CNTNAP4: variants seen among roughly 807,000 people sequenced by gnomAD.
The protein encoded by CNTNAP4 is contactin associated protein family member 4.
A neutral mutation model predicts 148.4 loss-of-function variants in CNTNAP4; 98 were observed. The observed-to-expected ratio is 0.66, with a 90% confidence interval of 0.56 to 0.78. The LOEUF (loss-of-function observed/expected upper bound fraction) is 0.78, where lower values mean the gene tolerates loss of function less well. Ranked by LOEUF, CNTNAP4 falls within the 30% of genes least tolerant of loss-of-function variation. The probability of loss-of-function intolerance (pLI) is 0.00; values close to 1 mark genes in which losing one functional copy is unlikely to be tolerated. For missense variants in CNTNAP4, 1,935 were observed against 1,565.6 expected (o/e 1.24, Z -3.98); for synonymous variants, 730 against 565.1 (o/e 1.29, Z -4.14).
intron 11 of CNTNAP4, among the ~76,000 whole-genome samples, chr16:76,478,896 A>C (rs1371782432): frequency 1.3e-5 from 2 of 152,140 alleles, no homozygotes; most frequent in Non-Finnish European, 2.9e-5. Context: ...TGTTTTATGA[A>C]AAAAATATTT....
At chr16:76,368,933 A>G (rs12716808) in intron 3 of CNTNAP4, among the ~76,000 whole-genome samples, 70,674 of 152,008 alleles carry the variant, frequency 0.46, 16,686 homozygotes, top group Admixed American at 0.54. Flanking sequence ...ATTAGACAGA[A>G]CAGTTATGGA....
intron 1 of CNTNAP4, among the ~76,000 whole-genome samples, chr16:76,304,266 G>A (rs1960260817): frequency 6.6e-6 from 1 of 152,128 alleles, no homozygotes; most frequent in Non-Finnish European, 1.5e-5. Flanking sequence ...GGCTTCAAGA[G>A]CTACACTTGT....
intron 1 of CNTNAP4, among the ~76,000 whole-genome samples, chr16:76,287,946 A>G (rs1958954964): frequency 1.3e-5 from 2 of 152,104 alleles, no homozygotes; most frequent in South Asian, 2.1e-4. Context: ...TGGCAAACAA[A>G]TGTCTTCCTA....
chr16:76,437,156 G>A (rs1390435474), intron 4 of CNTNAP4, among the ~76,000 whole-genome samples: 4 of 151,924 alleles, frequency 2.6e-5, no homozygotes, highest in African/African-American at 4.8e-5. Flanking sequence ...AGATGTAGGC[G>A]GGGAGGCTAA....
chr16:76,427,658 C>T (rs1490210277), intron 4 of CNTNAP4, 59 bp downstream of exon 4: 3 of 1,422,438 alleles, frequency 2.1e-6, no homozygotes, highest in Admixed American at 5.1e-5. Context: ...TTTTAAAAGC[C>T]AAACTACAAA....
chr16:76,533,176 GTCAC>G (rs1455723408), intron 17 of CNTNAP4, among the ~76,000 whole-genome samples: 5 of 152,088 alleles, frequency 3.3e-5, no homozygotes, highest in South Asian at 4.1e-4. Context: ...ATAAAATCCT[GTCAC>G]TCACAGCAAC....
At chr16:76,279,135 T>C (rs564871759) in intron 1 of CNTNAP4, among the ~76,000 whole-genome samples, 1 of 152,182 alleles carries the variant, frequency 6.6e-6, no homozygotes, top group South Asian at 2.1e-4. Flanking sequence ...CACACACAAA[T>C]GGAAGTTCTG....
rs2085368476 is a variant in CNTNAP4 at position 76,560,400 on chromosome 16, C to G, written c.*1717C>G. 6.6e-6 allele frequency among the ~76,000 whole-genome samples: 1 copy of G among 152,132 alleles called. No individual in the cohort carries two copies. The highest frequency in any genetic ancestry group is 6.5e-5 in the Admixed American group (1 of 15,272). The stretch of plus-strand genomic sequence containing the variant: ...AATTAACATAGTAGTTTACGAAGGA[C>G]TAAGGACCTATGTTGGTAGATGGTA... On this transcript the variant is annotated 3_prime_UTR_variant, in exon 24 of 24. Transcript: ENST00000611870.
rs190867249 is a variant in CNTNAP4, at chr16:76,432,292, C to T, written c.538+4693C>T. Among the ~76,000 whole-genome samples, 543 of 152,154 alleles carry T rather than the reference C, an allele frequency of 3.6e-3. 2 individuals carry two copies. The highest frequency in any genetic ancestry group is 0.024 in the Middle Eastern group (7 of 294). ...ATTGTGAAAACCACACATAAATTGCCGTTTACCCCAACAAGTTAGGGCAGT... is the reference window on the plus strand; with the variant it reads ...ATTGTGAAAACCACACATAAATTGCTGTTTACCCCAACAAGTTAGGGCAGT... On this transcript the variant is annotated intron_variant, in intron 4 of 23. Transcript: ENST00000611870.
chr16:76,499,453 AT>A (rs2082537169), intron 15 of CNTNAP4, among the ~76,000 whole-genome samples: 1 of 151,968 alleles, frequency 6.6e-6, no homozygotes, highest in African/African-American at 2.4e-5. Flanking sequence ...TGGCTACTAG[AT>A]TTGGTAATTC....
At chr16:76,510,335 C>T (rs1434882845) in intron 15 of CNTNAP4, among the ~76,000 whole-genome samples, 2 of 152,110 alleles carry the variant, frequency 1.3e-5, no homozygotes, top group Admixed American at 6.6e-5. Flanking sequence ...ACGCTTCATT[C>T]TTTTTTATGA....
At chr16:76,473,543 G>A (rs753404179) in intron 10 of CNTNAP4, among the ~76,000 whole-genome samples, 156 of 152,228 alleles carry the variant, frequency 1.0e-3, no homozygotes, top group Non-Finnish European at 1.7e-3. Flanking sequence ...GGAGGCCGAG[G>A]CGGGCAGATC....
Position 76,542,469 on chromosome 16 carries a change from C to G in CNTNAP4, c.3442+1679C>G, listed in dbSNP as rs144877318. 2.5e-3 allele frequency among the ~76,000 whole-genome samples: 375 copies of G among 152,158 alleles called. 1 individual carries two copies. The highest frequency in any genetic ancestry group is 8.1e-3 in the African/African-American group (337 of 41,520). On this transcript the variant is annotated intron_variant, in intron 21 of 23. Transcript: ENST00000611870. ...AAACAAGCAGCAACAAAAACAAAGCCTCAACTGTTTTAACTGTGGGACCCA... is the reference window on the plus strand; with the variant it reads ...AAACAAGCAGCAACAAAAACAAAGCGTCAACTGTTTTAACTGTGGGACCCA...
chr16:76,515,002 T>G (rs900664046), intron 15 of CNTNAP4, among the ~76,000 whole-genome samples: 1 of 152,196 alleles, frequency 6.6e-6, no homozygotes. Context: ...CATATAAAAT[T>G]TCCTGTAGGG....
intron 2 of CNTNAP4, among the ~76,000 whole-genome samples, chr16:76,323,849 G>C (rs1355567309): frequency 6.6e-6 from 1 of 152,086 alleles, no homozygotes; most frequent in East Asian, 1.9e-4. Flanking sequence ...CCTAAGTAAT[G>C]TGTAGTTCTG....
At chr16:76,429,474 A>G (rs1226658398) in intron 4 of CNTNAP4, among the ~76,000 whole-genome samples, 1 of 152,164 alleles carries the variant, frequency 6.6e-6, no homozygotes, top group Non-Finnish European at 1.5e-5. Context: ...AAAACCACCC[A>G]TTTATTAGAG....
intron 3 of CNTNAP4, among the ~76,000 whole-genome samples, chr16:76,413,432 G>T (rs1184416952): frequency 4.0e-5 from 6 of 151,202 alleles, no homozygotes; most frequent in East Asian, 1.9e-4. Context: ...GGCAAACATT[G>T]TTAATAATCC....
At chr16:76,320,821 G>C (rs565201278) in intron 2 of CNTNAP4, among the ~76,000 whole-genome samples, 1 of 152,104 alleles carries the variant, frequency 6.6e-6, no homozygotes, top group Non-Finnish European at 1.5e-5. Context: ...GACAACCTTG[G>C]AAATGAGTGA....
intron 2 of CNTNAP4, among the ~76,000 whole-genome samples, chr16:76,325,188 A>G (rs1567709559): frequency 6.6e-6 from 1 of 152,216 alleles, no homozygotes; most frequent in Non-Finnish European, 1.5e-5. Flanking sequence ...AAAATTGTTA[A>G]TGTATATCAT....
Sources: allele counts gnomAD v4.1 joint callset (sites outside exome capture counted in the v4.1 genomes callset), GRCh38; gene constraint gnomAD v4.1.1; transcripts MANE v1.5; gene names NCBI Gene and HGNC (gene_info 2026-07-23, HGNC 2026-07-21).